Variants in LTBP1 observed in about 807,000 individuals in gnomAD.
LTBP1 encodes latent-transforming growth factor beta-binding protein 1.
Under a neutral mutation model 207.6 loss-of-function variants are expected in LTBP1, and 129 were observed. That is an observed-to-expected ratio of 0.62 (90% CI 0.54 to 0.72). The LOEUF is 0.72. Ranked by LOEUF, LTBP1 falls within the 30% of genes least tolerant of loss-of-function variation. The pLI, the probability that LTBP1 is intolerant of heterozygous loss-of-function variation, is 0.00. For missense variants in LTBP1, 2,281 were observed against 2,217.2 expected (o/e 1.03, Z -0.58); for synonymous variants, 963 against 833.7 (o/e 1.16, Z -2.67).
chr2:33,257,594 C>A, intron 12 of LTBP1, 83 bp downstream of exon 12: 1 of 1,122,918 alleles, frequency 8.9e-7, no homozygotes, highest in Non-Finnish European at 1.3e-6. Flanking sequence ...CCCTCTAGAA[C>A]AGAGTTTCTC....
At chr2:33,077,910 G>T (rs2078172468) in intron 3 of LTBP1, among the ~76,000 whole-genome samples, 2 of 152,318 alleles carry the variant, frequency 1.3e-5, no homozygotes, top group South Asian at 2.1e-4. Flanking sequence ...AAGGTCGGCA[G>T]CTTGGGTATC....
intron 3 of LTBP1, among the ~76,000 whole-genome samples, chr2:33,090,559 G>A (rs1191365468): frequency 6.6e-6 from 1 of 152,132 alleles, no homozygotes; most frequent in East Asian, 1.9e-4. Context: ...ATGTCATGAG[G>A]TAGCTACTAT....
chr2:32,982,584 G>T (rs976946474), intron 2 of LTBP1, among the ~76,000 whole-genome samples: 2 of 152,086 alleles, frequency 1.3e-5, no homozygotes, highest in East Asian at 1.9e-4. Flanking sequence ...CCCATCACAG[G>T]TCTGGAGGGA....
At chr2:33,062,582 A>G (rs2077317727) in intron 3 of LTBP1, among the ~76,000 whole-genome samples, 1 of 152,042 alleles carries the variant, frequency 6.6e-6, no homozygotes, top group African/African-American at 2.4e-5. Context: ...ATGCTTTGGC[A>G]CCTTTTATCA....
chr2:33,389,075 C>A, intron 31 of LTBP1, 109 bp from the exon 32 acceptor site: 2 of 1,469,488 alleles, frequency 1.4e-6, no homozygotes, highest in African/African-American at 1.4e-5. Flanking sequence ...GAGATGGAGA[C>A]ACACGTGGAA....
intron 3 of LTBP1, among the ~76,000 whole-genome samples, chr2:33,088,648 AACAGTGT>A (rs2078896269): frequency 6.6e-6 from 1 of 152,138 alleles, no homozygotes. Context: ...CTTGGCTTAG[AACAGTGT>A]ACAGTAGGGA....
intron 4 of LTBP1, among the ~76,000 whole-genome samples, chr2:33,133,366 G>T (rs1451342684): frequency 6.6e-6 from 1 of 152,082 alleles, no homozygotes; most frequent in East Asian, 1.9e-4. Flanking sequence ...CTCCCCTTTG[G>T]CCACTCCAGT....
At chr2:33,254,498 T>TATA (rs1334207626) in intron 11 of LTBP1, among the ~76,000 whole-genome samples, 1 of 151,384 alleles carries the variant, frequency 6.6e-6, no homozygotes, top group African/African-American at 2.4e-5. Context: ...AAGTTTTGGT[T>TATA]ATATGGTGAT....
intron 10 of LTBP1, among the ~76,000 whole-genome samples, chr2:33,244,022 G>A (rs1268233222): frequency 2.0e-5 from 3 of 152,142 alleles, no homozygotes; most frequent in Non-Finnish European, 4.4e-5. Context: ...ACTCTGAATA[G>A]AGACTAAGCA....
At chr2:33,275,156 C>A in intron 17 of LTBP1, 66 bp downstream of exon 17, 1 of 1,587,590 alleles carries the variant, frequency 6.3e-7, no homozygotes, top group South Asian at 1.1e-5. Flanking sequence ...CTAAGACTAT[C>A]ATCAGTTCAG....
intron 2 of LTBP1, among the ~76,000 whole-genome samples, chr2:32,952,189 A>G (rs1365974264): frequency 6.6e-6 from 1 of 152,224 alleles, no homozygotes; most frequent in East Asian, 1.9e-4. Flanking sequence ...ATTGAAACCT[A>G]ATTTAAATGG....
chr2:33,054,824 C>T (rs749278257), intron 3 of LTBP1, among the ~76,000 whole-genome samples: 1 of 152,182 alleles, frequency 6.6e-6, no homozygotes, highest in African/African-American at 2.4e-5. Context: ...CCCAGGCACC[C>T]TCAGTCCTGT....
At chr2:32,975,486 G>A (rs557669012) in intron 2 of LTBP1, among the ~76,000 whole-genome samples, 1 of 143,642 alleles carries the variant, frequency 7.0e-6, no homozygotes, top group South Asian at 2.3e-4. Flanking sequence ...TTTTCAAGGT[G>A]TTTACTTTCT....
intron 6 of LTBP1, 133 bp from the exon 7 acceptor site, chr2:33,188,444 A>AAG: frequency 1.6e-6 from 1 of 609,944 alleles, no homozygotes; most frequent in Non-Finnish European, 2.7e-6. Context: ...AAAAAAAAAA[A>AAG]GAATTTTGAT....
At chr2:33,111,977 A>G (rs1309014492) in intron 4 of LTBP1, among the ~76,000 whole-genome samples, 1 of 152,222 alleles carries the variant, frequency 6.6e-6, no homozygotes, top group Non-Finnish European at 1.5e-5. Flanking sequence ...TCTTAAGTGA[A>G]TATTTCTTGA....
intron 7 of LTBP1, among the ~76,000 whole-genome samples, chr2:33,215,512 G>A (rs2090607429): frequency 6.6e-6 from 1 of 152,034 alleles, no homozygotes; most frequent in Non-Finnish European, 1.5e-5. Context: ...TTACAATTTG[G>A]ATATGTAGTT....
At chr2:33,022,265 C>CTTTTTTTTTTTTTTTTTTTTTT (rs3047211) in intron 3 of LTBP1, among the ~76,000 whole-genome samples, 1 of 125,234 alleles carries the variant, frequency 8.0e-6, no homozygotes, top group Non-Finnish European at 1.6e-5. Context: ...CCTCAATCCT[C>CTTTTTTTTTTTTTTTTTTTTTT]TTTTTTTTTT....
intron 2 of LTBP1, among the ~76,000 whole-genome samples, chr2:32,998,087 A>G (rs1209079053): frequency 6.6e-6 from 1 of 152,230 alleles, no homozygotes; most frequent in Non-Finnish European, 1.5e-5. Context: ...TTAATGGACC[A>G]TACTAGTACC....
At chr2:33,321,251 T>C (rs1292771852) in intron 24 of LTBP1, among the ~76,000 whole-genome samples, 1 of 152,134 alleles carries the variant, frequency 6.6e-6, no homozygotes, top group East Asian at 1.9e-4. Context: ...TCAAGTCCTA[T>C]TGCTAAACAT....
Sources: allele counts gnomAD v4.1 joint callset (sites outside exome capture counted in the v4.1 genomes callset), GRCh38; gene constraint gnomAD v4.1.1; transcripts MANE v1.5; gene names NCBI Gene and HGNC (gene_info 2026-07-23, HGNC 2026-07-21).